The following TAF3 variants were observed in gnomAD, a reference collection of about 807,000 sequenced individuals.
TAF3 encodes transcription initiation factor TFIID subunit 3.
A neutral mutation model predicts 80.6 loss-of-function variants in TAF3; 7 were observed. The observed-to-expected ratio is 0.09, with a 90% CI of 0.05 to 0.16. TAF3 has a LOEUF of 0.16. TAF3 is among the 10% of genes least tolerant of loss of function. The pLI is 1.00. For missense variants in TAF3, 921 were observed against 1,140.2 expected, an observed-to-expected ratio of 0.81 and a Z score of 2.77; for synonymous variants, 444 against 446.1, an observed-to-expected ratio of 1.00 and a Z score of 0.06.
intron 4 of TAF3, among the ~76,000 whole-genome samples, chr10:8,003,108 A>G (rs986800046): frequency 6.6e-6 from 1 of 152,208 alleles, no homozygotes; most frequent in Non-Finnish European, 1.5e-5. Context: ...CTGACAACTG[A>G]ATCACTTAGA....
At chr10:7,944,139 T>TG (rs976255554) in intron 2 of TAF3, among the ~76,000 whole-genome samples, 6 of 133,736 alleles carry the variant, frequency 4.5e-5, no homozygotes, top group South Asian at 2.5e-4. Context: ...GTGTGTGTTG[T>TG]GGGGGGGAGG....
chr10:7,819,522 A>G (rs1041999357), intron 1 of TAF3, among the ~76,000 whole-genome samples: 1 of 152,212 alleles, frequency 6.6e-6, no homozygotes, highest in Admixed American at 6.5e-5. Flanking sequence ...GAAGTAGGAT[A>G]GAGGGACCGT....
chr10:7,994,051 C>A (rs1241318450), intron 4 of TAF3, among the ~76,000 whole-genome samples: 1 of 142,506 alleles, frequency 7.0e-6, no homozygotes, highest in Non-Finnish European at 1.5e-5. Context: ...CTCTGCTCCC[C>A]CTACCCCTTC....
intron 3 of TAF3, among the ~76,000 whole-genome samples, chr10:7,975,418 T>C (rs903140724): frequency 3.9e-5 from 6 of 152,248 alleles, no homozygotes; most frequent in Middle Eastern, 3.4e-3. Flanking sequence ...CACTAGAAAA[T>C]AGCAGTAAGC....
intron 2 of TAF3, among the ~76,000 whole-genome samples, chr10:7,960,603 T>C (rs150658772): frequency 3.5e-3 from 527 of 152,204 alleles, no homozygotes; most frequent in Non-Finnish European, 5.6e-3. Flanking sequence ...TGACCACATA[T>C]TTGGGGATTG....
intron 4 of TAF3, among the ~76,000 whole-genome samples, chr10:8,008,012 C>T (rs986915027): frequency 5.9e-5 from 9 of 151,546 alleles, no homozygotes; most frequent in African/African-American, 1.5e-4. Context: ...ACAGCTCTAG[C>T]GACCTGCGGC....
intron 2 of TAF3, among the ~76,000 whole-genome samples, chr10:7,854,554 C>T (rs907087107): frequency 2.7e-5 from 4 of 150,530 alleles, no homozygotes; most frequent in African/African-American, 9.8e-5. Flanking sequence ...TGAGGTAAAG[C>T]AACTGGAAGA....
intron 2 of TAF3, among the ~76,000 whole-genome samples, chr10:7,891,863 T>C (rs1366139046): frequency 6.6e-6 from 1 of 152,238 alleles, no homozygotes; most frequent in African/African-American, 2.4e-5. Flanking sequence ...CGGACTTAGC[T>C]TTGTTGTTTG....
chr10:7,867,135 T>G (rs956999755), intron 2 of TAF3, among the ~76,000 whole-genome samples: 3 of 151,988 alleles, frequency 2.0e-5, no homozygotes, highest in Non-Finnish European at 4.4e-5. Flanking sequence ...GGCATGCCCC[T>G]GTCATCCCAG....
chr10:7,975,530 G>A (rs529518273), intron 3 of TAF3, among the ~76,000 whole-genome samples: 6 of 152,254 alleles, frequency 3.9e-5, no homozygotes, highest in East Asian at 3.9e-4. Flanking sequence ...GGCATCACTC[G>A]GTGCTCTAGG....
At chr10:7,975,438 A>G (rs895628745) in intron 3 of TAF3, among the ~76,000 whole-genome samples, 24 of 152,214 alleles carry the variant, frequency 1.6e-4, no homozygotes, top group Non-Finnish European at 2.8e-4. Context: ...CAAAACGCGC[A>G]TGGTCCCTGC....
chr10:7,848,356 C>G, intron 2 of TAF3, among the ~76,000 whole-genome samples: 1 of 152,148 alleles, frequency 6.6e-6, no homozygotes, highest in East Asian at 1.9e-4. Flanking sequence ...ATGAAAAACT[C>G]AGGAAGTCCC....
chr10:7,844,908 A>G (rs1046250735), intron 2 of TAF3, among the ~76,000 whole-genome samples: 46 of 152,230 alleles, frequency 3.0e-4, no homozygotes, highest in African/African-American at 1.1e-3. Context: ...ATTGTTGGGC[A>G]TTTTTAATAT....
chr10:7,975,433 C>T (rs934543515), intron 3 of TAF3, among the ~76,000 whole-genome samples: 9 of 152,172 alleles, frequency 5.9e-5, no homozygotes, highest in Non-Finnish European at 5.9e-5. Context: ...GTAAGCAAAA[C>T]GCGCATGGTC....
intron 2 of TAF3, among the ~76,000 whole-genome samples, chr10:7,898,434 TA>T (rs1418335106): frequency 6.6e-6 from 1 of 151,176 alleles, no homozygotes; most frequent in Non-Finnish European, 1.5e-5. Flanking sequence ...TAATCCCAGC[TA>T]CTTGGGAGGC....
In TAF3 at chr10:8,009,262, G is replaced by A. The variant is rs150758246; in HGVS notation, c.2500G>A (p.Ala834Thr). ...TGCCCTGCTGCCCTCCCCGGGTCCC[G>A]CCGCCTCCGGGGCCAGTGCCAAAGC... ...GPALLPSPGP[A>T]ASGASAKAPV... Residue 834 changes from alanine (A) to threonine (T), a missense_variant, in exon 5 of 7, where the codon GCC becomes ACC. Transcript: ENST00000344293. This position sits in a 1 kb window ranked among gnomAD's most constrained non-coding sequence, Gnocchi z 4.1. 0.017 allele frequency: 25,744 copies of A among 1,552,644 alleles called. 260 individuals carry two copies. Among genetic ancestry groups the A allele is most frequent in the Non-Finnish European group, 0.019 (21,533 of 1,152,734 alleles).
chr10:7,884,991 T>C (rs1328874298), intron 2 of TAF3, among the ~76,000 whole-genome samples: 1 of 132,180 alleles, frequency 7.6e-6, no homozygotes, highest in Non-Finnish European at 1.7e-5. Flanking sequence ...TAATTTTTGT[T>C]CAGTTTTTTT....
chr10:7,895,250 T>C (rs959681003), intron 2 of TAF3, among the ~76,000 whole-genome samples: 8 of 152,228 alleles, frequency 5.3e-5, no homozygotes, highest in African/African-American at 1.9e-4. Flanking sequence ...CCATTGGACA[T>C]CTGCCTAGAG....
At chr10:7,918,337 G>A (rs1837731648) in intron 2 of TAF3, among the ~76,000 whole-genome samples, 1 of 152,182 alleles carries the variant, frequency 6.6e-6, no homozygotes, top group South Asian at 2.1e-4. Context: ...GGCCCATTTG[G>A]AATGTATGTT....
Sources: gnomAD v4.1 joint callset for allele counts (sites outside exome capture counted in the v4.1 genomes callset) on GRCh38, gnomAD v4.1.1 for gene constraint, Gnocchi (gnomAD v3.1) non-coding constraint, MANE v1.5 for transcripts, NCBI Gene and HGNC (gene_info 2026-07-23, HGNC 2026-07-21) for gene names.